Variants in ERBB4 observed in about 807,000 individuals in gnomAD.
The protein encoded by ERBB4 is receptor tyrosine-protein kinase erbB-4.
Under a neutral mutation model 158.0 loss-of-function variants are expected in ERBB4, and 42 were observed. That is an observed-to-expected ratio of 0.27 (90% confidence interval 0.21 to 0.34). The LOEUF is 0.34. Among genes scored for constraint, ERBB4 ranks in the 10% least tolerant of loss-of-function variants. The pLI is 1.00. For synonymous variants in ERBB4, 583 were observed against 558.7 expected, an observed-to-expected ratio of 1.04 and a Z score of -0.61; for missense variants, 1,333 against 1,624.1, an observed-to-expected ratio of 0.82 and a Z score of 3.08.
chr2:211,441,596 T>A (rs919624998), intron 20 of ERBB4, among the ~76,000 whole-genome samples: 1 of 152,134 alleles, frequency 6.6e-6, no homozygotes, highest in Non-Finnish European at 1.5e-5. Flanking sequence ...TCTGCAGTTG[T>A]TGAACCCACA....
At chr2:211,393,120 T>G (rs1274055215) in intron 25 of ERBB4, among the ~76,000 whole-genome samples, 1 of 152,196 alleles carries the variant, frequency 6.6e-6, no homozygotes, top group Non-Finnish European at 1.5e-5. Context: ...AAATGCTGTC[T>G]TTTATAATGC....
chr2:212,003,195 AAGAAAGAAAGAC>A (rs1189650796), intron 2 of ERBB4, among the ~76,000 whole-genome samples: 907 of 66,920 alleles, frequency 0.014, 58 homozygotes, highest in Admixed American at 0.033. Context: ...GAAAGAAAGA[AAGAAAGAAAGAC>A]AGAAAGAAGG....
chr2:211,514,477 C>T (rs577173054), intron 20 of ERBB4, among the ~76,000 whole-genome samples: 1 of 152,018 alleles, frequency 6.6e-6, no homozygotes, highest in African/African-American at 2.4e-5. Context: ...TGAGTATATT[C>T]AGAAAAAAAA....
At chr2:211,592,183 AG>A (rs1302195718) in intron 19 of ERBB4, among the ~76,000 whole-genome samples, 2 of 62,646 alleles carry the variant, frequency 3.2e-5, no homozygotes, top group African/African-American at 6.7e-5. Flanking sequence ...GACGCCCGGT[AG>A]ACGCAGGGCT....
At chr2:211,940,264 G>A (rs555695822) in intron 3 of ERBB4, among the ~76,000 whole-genome samples, 8 of 152,044 alleles carry the variant, frequency 5.3e-5, no homozygotes, top group African/African-American at 4.8e-5. Flanking sequence ...AGAGCAAAAC[G>A]ATGGAGCCAT....
intron 20 of ERBB4, among the ~76,000 whole-genome samples, chr2:211,447,899 G>T (rs1035241120): frequency 6.6e-6 from 1 of 152,110 alleles, no homozygotes; most frequent in Non-Finnish European, 1.5e-5. Flanking sequence ...CATTAAGAAC[G>T]CCTGTTAAGA....
chr2:212,438,880 CAA>C (rs1382127968), intron 1 of ERBB4, among the ~76,000 whole-genome samples: 1 of 151,868 alleles, frequency 6.6e-6, no homozygotes, highest in African/African-American at 2.4e-5. Context: ...CAAAGACAGA[CAA>C]ATAGAATAAA....
chr2:211,392,560 A>ACACG (rs1559122425), intron 25 of ERBB4, among the ~76,000 whole-genome samples: 1 of 114,276 alleles, frequency 8.8e-6, no homozygotes, highest in African/African-American at 4.1e-5. Flanking sequence ...CTCTTACTCC[A>ACACG]CACACACACA....
intron 1 of ERBB4, among the ~76,000 whole-genome samples, chr2:212,181,518 A>G (rs1228694468): frequency 6.6e-6 from 1 of 151,686 alleles, no homozygotes; most frequent in African/African-American, 2.4e-5. Flanking sequence ...TACAACACAT[A>G]TTACTAATAA....
At chr2:211,919,856 C>G (rs1403172403) in intron 3 of ERBB4, among the ~76,000 whole-genome samples, 4 of 151,936 alleles carry the variant, frequency 2.6e-5, no homozygotes, top group African/African-American at 9.7e-5. Context: ...ATTCTATGAC[C>G]TCTTCCAAAT....
chr2:212,405,803 A>T (rs1291286447), intron 1 of ERBB4, among the ~76,000 whole-genome samples: 1 of 152,110 alleles, frequency 6.6e-6, no homozygotes, highest in East Asian at 1.9e-4. Flanking sequence ...CTGAACTTAA[A>T]TTTCAGTTGT....
intron 17 of ERBB4, among the ~76,000 whole-genome samples, chr2:211,629,794 G>A (rs1190560313): frequency 6.6e-6 from 1 of 151,972 alleles, no homozygotes; most frequent in African/African-American, 2.4e-5. Context: ...CAAGAAATGG[G>A]GAAAGGATTC....
At chr2:212,017,876 A>G (rs1161339373) in intron 2 of ERBB4, among the ~76,000 whole-genome samples, 2 of 152,128 alleles carry the variant, frequency 1.3e-5, no homozygotes, top group African/African-American at 4.8e-5. Flanking sequence ...TAAGCATGCC[A>G]CACTGAAAAT....
intron 1 of ERBB4, among the ~76,000 whole-genome samples, chr2:212,176,272 T>C (rs189321508): frequency 9.0e-4 from 137 of 152,078 alleles, no homozygotes; most frequent in Middle Eastern, 6.8e-3. Flanking sequence ...ATTCAGATGT[T>C]GAAGCCCTAA....
At chr2:211,754,144 G>A (rs1054311816) in intron 4 of ERBB4, among the ~76,000 whole-genome samples, 2 of 152,124 alleles carry the variant, frequency 1.3e-5, no homozygotes, top group Non-Finnish European at 2.9e-5. Context: ...ACAGGCGTAA[G>A]CCACCGCGCC....
chr2:211,620,997 C>G (rs530648822), intron 18 of ERBB4, among the ~76,000 whole-genome samples: 1 of 151,950 alleles, frequency 6.6e-6, no homozygotes, highest in South Asian at 2.1e-4. Flanking sequence ...TGCCTGTGGT[C>G]CCAGCTACTC....
intron 20 of ERBB4, among the ~76,000 whole-genome samples, chr2:211,537,319 A>G (rs970935227): frequency 2.6e-5 from 4 of 151,494 alleles, no homozygotes; most frequent in African/African-American, 9.7e-5. Context: ...GTCTGGCTCA[A>G]TTTGTTTGGA....
chr2:211,962,518 T>C (rs1185017519), intron 2 of ERBB4, among the ~76,000 whole-genome samples: 1 of 152,144 alleles, frequency 6.6e-6, no homozygotes, highest in African/African-American at 2.4e-5. Flanking sequence ...GAGTCTATAA[T>C]TTTACACCAG....
At chr2:211,718,242 A>G (rs950223517) in intron 7 of ERBB4, among the ~76,000 whole-genome samples, 1 of 152,136 alleles carries the variant, frequency 6.6e-6, no homozygotes, top group Non-Finnish European at 1.5e-5. Flanking sequence ...CCCACATCTT[A>G]AAGAAGAAAA....
Sources: gnomAD v4.1 joint callset for allele counts (sites outside exome capture counted in the v4.1 genomes callset) on GRCh38, gnomAD v4.1.1 for gene constraint, MANE v1.5 for transcripts, NCBI Gene and HGNC (gene_info 2026-07-23, HGNC 2026-07-21) for gene names.